The following CNTNAP2 variants were observed in gnomAD, a reference collection of about 807,000 sequenced individuals.
CNTNAP2 encodes contactin-associated protein-like 2.
A neutral mutation model predicts 155.2 loss-of-function variants in CNTNAP2; 98 were observed. The ratio of observed to expected loss-of-function variants is 0.63; its 90% CI spans 0.54 to 0.75. The LOEUF is 0.75. Ranked by LOEUF, CNTNAP2 falls within the 30% of genes least tolerant of loss-of-function variation. The probability of loss-of-function intolerance (pLI) is 0.00; values close to 1 mark genes in which losing one functional copy is unlikely to be tolerated. For synonymous variants in CNTNAP2, 651 were observed against 631.2 expected (o/e 1.03, Z -0.47); for missense variants, 1,727 against 1,688.1 (o/e 1.02, Z -0.40).
At chr7:148,357,764 C>T (rs188516971) in intron 21 of CNTNAP2, among the ~76,000 whole-genome samples, 14 of 152,292 alleles carry the variant, frequency 9.2e-5, no homozygotes, top group African/African-American at 3.4e-4. Flanking sequence ...CTGATTCCAA[C>T]TAAATTCTTG....
intron 1 of CNTNAP2, among the ~76,000 whole-genome samples, chr7:146,328,415 A>G (rs1801130270): frequency 6.6e-6 from 1 of 152,064 alleles, no homozygotes; most frequent in South Asian, 2.1e-4. Flanking sequence ...TAAAGAAACA[A>G]CGTATATATT....
intron 13 of CNTNAP2, among the ~76,000 whole-genome samples, chr7:147,690,436 A>G (rs1225298235): frequency 6.6e-6 from 1 of 152,262 alleles, no homozygotes; most frequent in East Asian, 1.9e-4. Flanking sequence ...TTACATCAAT[A>G]CATCATTACC....
chr7:146,651,909 C>A (rs1799919107), intron 1 of CNTNAP2, among the ~76,000 whole-genome samples: 3 of 152,050 alleles, frequency 2.0e-5, no homozygotes, highest in Admixed American at 2.0e-4. Context: ...CAGACTCAGA[C>A]CACGTGCACA....
chr7:148,020,575 TC>T (rs1413567636), intron 15 of CNTNAP2, among the ~76,000 whole-genome samples: 2 of 152,218 alleles, frequency 1.3e-5, no homozygotes, highest in Non-Finnish European at 2.9e-5. Context: ...TCCATTTTAT[TC>T]TTTTTTTTAA....
At chr7:146,780,398 C>T (rs529170683) in intron 2 of CNTNAP2, among the ~76,000 whole-genome samples, 43 of 151,996 alleles carry the variant, frequency 2.8e-4, no homozygotes, top group Non-Finnish European at 5.7e-4. Context: ...ACCATGTTAG[C>T]CAGGATCGTC....
chr7:147,449,224 C>T (rs535190129), intron 10 of CNTNAP2, among the ~76,000 whole-genome samples: 7 of 152,138 alleles, frequency 4.6e-5, no homozygotes, highest in Admixed American at 4.6e-4. Flanking sequence ...ATGTGATAGA[C>T]ATTTGCAGTC....
Position 146,839,905 on chromosome 7 carries a change from G to A in CNTNAP2, c.402+1G>A, listed in dbSNP as rs767408882. 6.2e-7 allele frequency: 1 copy of A among 1,614,060 alleles called. No individual in the cohort carries two copies. Among genetic ancestry groups the A allele is most frequent in the Non-Finnish European group, 8.5e-7 (1 of 1,179,982 alleles). On this transcript the variant is annotated splice_donor_variant, in intron 3 of 23. Transcript: ENST00000361727. LOFTEE classifies it high-confidence loss of function. ...CTATCATCAAGATGGGAATATCTGG[G>A]TAAGTCATTGGCAGGAAAGCAAAGA...
intron 1 of CNTNAP2, among the ~76,000 whole-genome samples, chr7:146,612,167 T>A (rs347204): frequency 6.6e-6 from 1 of 151,926 alleles, no homozygotes; most frequent in Non-Finnish European, 1.5e-5. Context: ...CCTAGAATAA[T>A]CCCTAGTAGA....
chr7:148,189,682 G>T (rs1795173832), intron 18 of CNTNAP2, among the ~76,000 whole-genome samples: 1 of 152,140 alleles, frequency 6.6e-6, no homozygotes, highest in African/African-American at 2.4e-5. Context: ...TCTGTTCATT[G>T]TAAATTATCT....
At chr7:147,929,389 G>T (rs1199862107) in intron 14 of CNTNAP2, among the ~76,000 whole-genome samples, 2 of 152,182 alleles carry the variant, frequency 1.3e-5, no homozygotes, top group Admixed American at 1.3e-4. Context: ...CAGCTGTGTA[G>T]ATACCATCTA....
At position 148,074,972 on chromosome 7, in the gene CNTNAP2, A is replaced by T. The variant is rs567458653; in HGVS notation, c.2384-43146A>T. On this transcript the variant is annotated intron_variant, in intron 15 of 23. Coordinates refer to ENST00000361727, the MANE Select transcript of CNTNAP2 (RefSeq NM_014141.6). Reference sequence around the variant, plus strand: ...AGATTATAATTTTATCATTTTTTACAATTCATCAAAGAAAGTTTTTCTAAA... The same window carrying T: ...AGATTATAATTTTATCATTTTTTACTATTCATCAAAGAAAGTTTTTCTAAA... Among the ~76,000 whole-genome samples the T allele has an allele frequency of 4.6e-5, 7 of 152,312 alleles. No homozygotes were observed. The South Asian group carries it at 1.5e-3, about 32-fold the overall frequency.
Position 146,202,754 on chromosome 7 carries a change from C to A in CNTNAP2, c.97+85781C>A, listed in dbSNP as rs573430772. 9.2e-5 allele frequency among the ~76,000 whole-genome samples: 14 copies of A among 151,844 alleles called. No individual in the cohort carries two copies. In the South Asian group the frequency reaches 1.7e-3, roughly 18 times the overall value. ...AATCTGTCATGGTTAATTCTATTAT[C>A]ATATAAAACTGCATAAAAATAATGA... On this transcript the variant is annotated intron_variant, in intron 1 of 23. Transcript: ENST00000361727.
At chr7:146,612,649 G>A (rs1799157277) in intron 1 of CNTNAP2, among the ~76,000 whole-genome samples, 1 of 151,852 alleles carries the variant, frequency 6.6e-6, no homozygotes. Flanking sequence ...TTCTGAAAAA[G>A]CATTTATTTT....
At position 146,280,535 on chromosome 7, in the gene CNTNAP2, A is replaced by G. The variant is rs138073679; in HGVS notation, c.97+163562A>G. On this transcript the variant is annotated intron_variant, in intron 1 of 23. Coordinates refer to ENST00000361727, the MANE Select transcript of CNTNAP2 (RefSeq NM_014141.6). ...CGCTCCTATCTTGTCTTGCAGCCAC[A>G]TGAATTAGGTACTAGTAATGAACCC... Among the ~76,000 whole-genome samples, 1,116 of 152,238 alleles carry G rather than the reference A, an allele frequency of 7.3e-3. 16 individuals carry two copies. The highest frequency in any genetic ancestry group is 0.026 in the African/African-American group (1,073 of 41,558).
At chr7:146,307,768 G>C (rs542981095) in intron 1 of CNTNAP2, among the ~76,000 whole-genome samples, 14 of 152,054 alleles carry the variant, frequency 9.2e-5, no homozygotes, top group African/African-American at 3.4e-4. Flanking sequence ...GGGAAAACTC[G>C]CTAGCCATAT....
At chr7:147,120,403 G>A (rs1801080078) in intron 5 of CNTNAP2, among the ~76,000 whole-genome samples, 1 of 152,076 alleles carries the variant, frequency 6.6e-6, no homozygotes, top group Non-Finnish European at 1.5e-5. Context: ...AGCTAAAAGT[G>A]GAGCCAGCAT....
intron 1 of CNTNAP2, among the ~76,000 whole-genome samples, chr7:146,371,043 T>C (rs1419674098): frequency 6.6e-6 from 1 of 152,126 alleles, no homozygotes; most frequent in Non-Finnish European, 1.5e-5. Context: ...GCATCTAAGA[T>C]GAATTATTCT....
chr7:147,248,610 A>G (rs1337874968), intron 8 of CNTNAP2, among the ~76,000 whole-genome samples: 1 of 152,238 alleles, frequency 6.6e-6, no homozygotes, highest in Non-Finnish European at 1.5e-5. Flanking sequence ...GTTTGTCATT[A>G]GTAAAGAAGT....
chr7:147,242,077 C>T (rs539251850), intron 8 of CNTNAP2, among the ~76,000 whole-genome samples: 53 of 152,256 alleles, frequency 3.5e-4, no homozygotes, highest in African/African-American at 1.0e-3. Flanking sequence ...CTGATTTTTT[C>T]ATCGCTTTGT....
Sources: gnomAD v4.1 joint callset for allele counts (sites outside exome capture counted in the v4.1 genomes callset) on GRCh38, gnomAD v4.1.1 for gene constraint, MANE v1.5 for transcripts, NCBI Gene and HGNC (gene_info 2026-07-23, HGNC 2026-07-21) for gene names.